CNTN4: variants seen among roughly 807,000 people sequenced by gnomAD.
CNTN4 encodes the protein contactin 4.
A neutral mutation model predicts 122.5 loss-of-function variants in CNTN4; 77 were observed. The observed-to-expected ratio is 0.63, with a 90% CI of 0.52 to 0.76. The LOEUF (loss-of-function observed/expected upper bound fraction) is 0.76, where lower values mean the gene tolerates loss of function less well. Ranked by LOEUF, CNTN4 falls within the 30% of genes least tolerant of loss-of-function variation. The pLI is 0.00. For synonymous variants in CNTN4, 512 were observed against 447.0 expected, an observed-to-expected ratio of 1.15 and a Z score of -1.83; for missense variants, 1,256 against 1,259.1, an observed-to-expected ratio of 1.00 and a Z score of 0.04.
At chr3:2,330,316 G>A (rs138001846) in intron 2 of CNTN4, among the ~76,000 whole-genome samples, 97 of 152,290 alleles carry the variant, frequency 6.4e-4, no homozygotes, top group African/African-American at 2.1e-3. Context: ...AAGCTCTCCA[G>A]TTGCAGTCCT....
chr3:2,704,572 C>A (rs2086543914), intron 4 of CNTN4, among the ~76,000 whole-genome samples: 1 of 152,104 alleles, frequency 6.6e-6, no homozygotes, highest in Admixed American at 6.6e-5. Flanking sequence ...TCTGGAAGAA[C>A]TTCATAGGGT....
At position 2,677,214 on chromosome 3, in the gene CNTN4, T is replaced by G. The variant is rs893135584; in HGVS notation, c.56-59001T>G. 6.7e-5 allele frequency among the ~76,000 whole-genome samples: 10 copies of G among 150,162 alleles called. No homozygotes were observed. In the South Asian group the frequency reaches 2.1e-3, roughly 31 times the overall value. On this transcript the variant is annotated intron_variant, in intron 4 of 24. Transcript: ENST00000418658. Reference sequence around the variant, plus strand: ...ATATATCTCTCTCTATATATGTATATATATATCTATATAGAGAGATCTATA... The same window carrying G: ...ATATATCTCTCTCTATATATGTATAGATATATCTATATAGAGAGATCTATA...
At chr3:2,858,273 C>A (rs1431664963) in intron 7 of CNTN4, among the ~76,000 whole-genome samples, 3 of 152,218 alleles carry the variant, frequency 2.0e-5, no homozygotes, top group Non-Finnish European at 2.9e-5. Context: ...ATAAGAAATT[C>A]CAAGAGTGAG....
chr3:2,582,031 G>A (rs1182589012), intron 4 of CNTN4, among the ~76,000 whole-genome samples: 4 of 152,202 alleles, frequency 2.6e-5, no homozygotes, highest in Non-Finnish European at 4.4e-5. Context: ...GATATGTGAT[G>A]TCTTTTTAGG....
chr3:2,511,638 ATC>A (rs1211890763), intron 3 of CNTN4: 2 of 152,264 alleles, frequency 1.3e-5, no homozygotes, highest in African/African-American at 4.8e-5. Flanking sequence ...GAGAGCTGAA[ATC>A]TCTGTTTGAT....
intron 23 of CNTN4, among the ~76,000 whole-genome samples, chr3:3,052,468 G>T (rs1246310356): frequency 2.0e-5 from 3 of 151,416 alleles, no homozygotes; most frequent in East Asian, 1.9e-4. Flanking sequence ...GCACCCCAAT[G>T]GTTCTAACAT....
At chr3:2,177,880 G>C (rs1192063286) in intron 2 of CNTN4, among the ~76,000 whole-genome samples, 1 of 152,048 alleles carries the variant, frequency 6.6e-6, no homozygotes, top group African/African-American at 2.4e-5. Context: ...CCAGAGCCTA[G>C]CCAAGGTGAC....
At chr3:2,582,993 A>G (rs1252099259) in intron 4 of CNTN4, among the ~76,000 whole-genome samples, 3 of 152,166 alleles carry the variant, frequency 2.0e-5, no homozygotes, top group African/African-American at 4.8e-5. Flanking sequence ...GCAGCAATAT[A>G]TATGTTGCTT....
intron 13 of CNTN4, among the ~76,000 whole-genome samples, chr3:2,969,951 CCA>C (rs1377073440): frequency 1.3e-5 from 2 of 151,952 alleles, no homozygotes; most frequent in East Asian, 3.9e-4. Flanking sequence ...ATATATACAC[CCA>C]CACACACAGA....
chr3:2,358,390 A>G (rs1359258126), intron 3 of CNTN4, among the ~76,000 whole-genome samples: 1 of 152,076 alleles, frequency 6.6e-6, no homozygotes, highest in Admixed American at 6.6e-5. Context: ...CTCAGCAAAT[A>G]TTCTTTTCTT....
chr3:2,670,051 G>T (rs1271094287), intron 4 of CNTN4, among the ~76,000 whole-genome samples: 1 of 152,224 alleles, frequency 6.6e-6, no homozygotes, highest in Non-Finnish European at 1.5e-5. Context: ...ATGTGGTGCT[G>T]AGAAGAATGT....
intron 3 of CNTN4, among the ~76,000 whole-genome samples, chr3:2,416,747 G>A (rs551015648): frequency 2.0e-5 from 3 of 152,016 alleles, no homozygotes; most frequent in South Asian, 2.1e-4. Flanking sequence ...TCTGCCTCTC[G>A]GGTTCCCGCC....
intron 3 of CNTN4, among the ~76,000 whole-genome samples, chr3:2,442,142 C>A (rs921329493): frequency 6.6e-6 from 1 of 152,048 alleles, no homozygotes; most frequent in Non-Finnish European, 1.5e-5. Context: ...TTTAGTATAT[C>A]CTTAAGTCAG....
chr3:2,633,798 G>C (rs2082543755), intron 4 of CNTN4, among the ~76,000 whole-genome samples: 1 of 152,108 alleles, frequency 6.6e-6, no homozygotes, highest in Non-Finnish European at 1.5e-5. Flanking sequence ...TCTACCTCCT[G>C]TTAAGAAGGA....
At chr3:2,255,554 G>C (rs900398695) in intron 2 of CNTN4, among the ~76,000 whole-genome samples, 4 of 152,080 alleles carry the variant, frequency 2.6e-5, no homozygotes, top group Non-Finnish European at 5.9e-5. Flanking sequence ...ACTCTACTCA[G>C]CAAATGCAAA....
intron 23 of CNTN4, among the ~76,000 whole-genome samples, chr3:3,045,283 G>T (rs1700529709): frequency 6.6e-6 from 1 of 152,172 alleles, no homozygotes; most frequent in Non-Finnish European, 1.5e-5. Flanking sequence ...AGAGAATAGT[G>T]TTTCCCCCAG....
Position 2,429,271 on chromosome 3 carries a change from C to T in CNTN4, c.-89+90038C>T, listed in dbSNP as rs866537875. Among the ~76,000 whole-genome samples the T allele has an allele frequency of 2.2e-4, 33 of 152,254 alleles. No homozygotes were observed. In the South Asian group the frequency reaches 2.3e-3, roughly 11 times the overall value. On this transcript the variant is annotated intron_variant, in intron 3 of 24. Transcript: ENST00000418658. ...ACAGATGGGATTTTGTTGTGGATGTCCTTTCTGTTTGTTAGTTTTCCTTCA... is the reference window on the plus strand; with the variant it reads ...ACAGATGGGATTTTGTTGTGGATGTTCTTTCTGTTTGTTAGTTTTCCTTCA...
intron 3 of CNTN4, among the ~76,000 whole-genome samples, chr3:2,345,305 T>C (rs1442007760): frequency 4.6e-5 from 7 of 152,162 alleles, no homozygotes; most frequent in Non-Finnish European, 8.8e-5. Flanking sequence ...TTTTAAAAAG[T>C]TTGTTTTTGG....
chr3:2,877,602 A>T (rs1256254473), intron 8 of CNTN4, among the ~76,000 whole-genome samples: 1 of 152,152 alleles, frequency 6.6e-6, no homozygotes. Context: ...TGTGTTCCTT[A>T]CTTCTACTTT....
Sources: allele counts gnomAD v4.1 joint callset (sites outside exome capture counted in the v4.1 genomes callset), GRCh38; gene constraint gnomAD v4.1.1; transcripts MANE v1.5; gene names NCBI Gene and HGNC (gene_info 2026-07-23, HGNC 2026-07-21).